The following PLCL1 variants were observed in gnomAD, a reference collection of about 807,000 sequenced individuals.
PLCL1 encodes the protein inactive phospholipase C-like protein 1.
A neutral mutation model predicts 84.4 loss-of-function variants in PLCL1; 41 were observed. That is an observed-to-expected ratio of 0.49 (90% confidence interval 0.38 to 0.63). The LOEUF (loss-of-function observed/expected upper bound fraction) is 0.63, where lower values mean the gene tolerates loss of function less well. PLCL1 is among the 30% of genes least tolerant of loss of function. The probability of loss-of-function intolerance (pLI) is 0.00; values close to 1 mark genes in which losing one functional copy is unlikely to be tolerated. For synonymous variants in PLCL1, 490 were observed against 488.3 expected (o/e 1.00, Z -0.05); for missense variants, 1,206 against 1,367.8 (o/e 0.88, Z 1.87).
intron 5 of PLCL1, among the ~76,000 whole-genome samples, chr2:198,118,122 T>A (rs1693787909): frequency 6.6e-6 from 1 of 151,956 alleles, no homozygotes. Flanking sequence ...TTTGGTTAAC[T>A]AAATGTATTC....
rs1217161518 is a variant in PLCL1, at chr2:197,824,426, T to C, written c.240+19087T>C. On this transcript the variant is annotated intron_variant, in intron 1 of 5. Transcript: ENST00000428675. The stretch of plus-strand genomic sequence containing the variant: ...ATTTGTGCTATATGCAAAACGTGAA[T>C]GAAAACTTAAGTATTTAAAAAATCA... 2.0e-5 allele frequency among the ~76,000 whole-genome samples: 3 copies of C among 151,948 alleles called. No homozygotes were observed. In the East Asian group the frequency reaches 5.8e-4, roughly 29 times the overall value.
At position 197,944,850 on chromosome 2, in the gene PLCL1, A is replaced by G. The variant is rs117240539; in HGVS notation, c.241-138908A>G. ...TTTCTTCTCTCTGCTGTTTCCTCCAACTACTTTCATCTTCAGATGTTAGAC... is the reference window on the plus strand; with the variant it reads ...TTTCTTCTCTCTGCTGTTTCCTCCAGCTACTTTCATCTTCAGATGTTAGAC... On this transcript the variant is annotated intron_variant, in intron 1 of 5. Coordinates refer to ENST00000428675, the MANE Select transcript of PLCL1 (RefSeq NM_006226.4). Among the ~76,000 whole-genome samples, 20 of 152,200 alleles carry G rather than the reference A, an allele frequency of 1.3e-4. No homozygotes were observed. In the East Asian group the frequency reaches 3.9e-3, roughly 30 times the overall value.
intron 1 of PLCL1, among the ~76,000 whole-genome samples, chr2:197,984,488 A>G (rs530085510): frequency 6.6e-6 from 1 of 152,172 alleles, no homozygotes; most frequent in East Asian, 1.9e-4. Context: ...AAAATAACCC[A>G]TTTAAATATG....
chr2:197,838,212 G>C (rs1317454021), intron 1 of PLCL1, among the ~76,000 whole-genome samples: 1 of 152,142 alleles, frequency 6.6e-6, no homozygotes, highest in Non-Finnish European at 1.5e-5. Context: ...TCATCTTTTA[G>C]AGTTTCAGTT....
At chr2:197,821,659 C>T (rs1690819086) in intron 1 of PLCL1, among the ~76,000 whole-genome samples, 1 of 152,074 alleles carries the variant, frequency 6.6e-6, no homozygotes, top group Non-Finnish European at 1.5e-5. Flanking sequence ...AGGAAGTGAC[C>T]CATAAGTTTC....
chr2:198,057,441 C>A (rs1326252335), intron 1 of PLCL1, among the ~76,000 whole-genome samples: 1 of 152,070 alleles, frequency 6.6e-6, no homozygotes, highest in Admixed American at 6.5e-5. Context: ...CTCGGTACAC[C>A]TTTAAGGCAG....
intron 1 of PLCL1, among the ~76,000 whole-genome samples, chr2:198,079,618 T>G (rs1245077514): frequency 6.6e-6 from 1 of 152,188 alleles, no homozygotes; most frequent in Admixed American, 6.5e-5. Flanking sequence ...AGACTCTTCT[T>G]GATTCTGATG....
At chr2:197,991,044 T>G (rs1361908674) in intron 1 of PLCL1, among the ~76,000 whole-genome samples, 1 of 152,182 alleles carries the variant, frequency 6.6e-6, no homozygotes, top group African/African-American at 2.4e-5. Context: ...ACATTGTTTC[T>G]GAGTGTGTCT....
At chr2:198,096,671 A>T (rs1436190123) in intron 3 of PLCL1, among the ~76,000 whole-genome samples, 4 of 152,132 alleles carry the variant, frequency 2.6e-5, no homozygotes, top group East Asian at 1.9e-4. Context: ...AATTTTTTTT[A>T]AATTTGTTGT....
At chr2:197,956,113 T>A (rs1219194094) in intron 1 of PLCL1, among the ~76,000 whole-genome samples, 1 of 152,114 alleles carries the variant, frequency 6.6e-6, no homozygotes, top group Non-Finnish European at 1.5e-5. Flanking sequence ...GAATGATAGC[T>A]TACAGCTTCA....
Position 198,149,844 on chromosome 2 carries a change from AAATGTGT to A in PLCL1, c.*2884_*2890del, listed in dbSNP as rs1218794770. ...GTTATGGATATCTTTCTGTGTCAAT[AAATGTGT>A]ATTTACATTAGAGTTCCAAGCATTT... On this transcript the variant is annotated 3_prime_UTR_variant, in exon 6 of 6. Coordinates refer to ENST00000428675, the MANE Select transcript of PLCL1 (RefSeq NM_006226.4). 2.0e-5 allele frequency: 3 copies of A among 152,328 alleles called. No homozygotes were observed. Among genetic ancestry groups the A allele is most frequent in the African/African-American group, 7.2e-5 (3 of 41,582 alleles). 9.4% of individuals were successfully genotyped at this position (152,328 alleles called of 1,614,324 possible).
chr2:198,077,327 A>C (rs1372560958), intron 1 of PLCL1, among the ~76,000 whole-genome samples: 1 of 152,150 alleles, frequency 6.6e-6, no homozygotes, highest in Non-Finnish European at 1.5e-5. Context: ...TAAAACTTAA[A>C]GTATAATAAT....
At chr2:197,910,695 C>T (rs924210566) in intron 1 of PLCL1, among the ~76,000 whole-genome samples, 1 of 152,182 alleles carries the variant, frequency 6.6e-6, no homozygotes, top group Non-Finnish European at 1.5e-5. Context: ...ATCCCCTTTC[C>T]CCTCAATTCC....
At chr2:198,094,532 AG>A (rs1266886146) in intron 3 of PLCL1, among the ~76,000 whole-genome samples, 2 of 152,204 alleles carry the variant, frequency 1.3e-5, no homozygotes, top group Admixed American at 6.5e-5. Context: ...TCTTACTTAA[AG>A]TATACGTTTT....
At chr2:197,923,216 C>CCT (rs1688751084) in intron 1 of PLCL1, among the ~76,000 whole-genome samples, 1 of 145,524 alleles carries the variant, frequency 6.9e-6, no homozygotes, top group South Asian at 2.2e-4. Context: ...GCTGACCCCC[C>CCT]ACCTCCCTCC....
chr2:198,066,309 A>G (rs1007215806), intron 1 of PLCL1, among the ~76,000 whole-genome samples: 1 of 152,108 alleles, frequency 6.6e-6, no homozygotes, highest in South Asian at 2.1e-4. Context: ...TTACAATTGT[A>G]TTCTTAATAC....
chr2:198,059,485 G>A (rs1205807762), intron 1 of PLCL1, among the ~76,000 whole-genome samples: 1 of 152,170 alleles, frequency 6.6e-6, no homozygotes, highest in Non-Finnish European at 1.5e-5. Flanking sequence ...ATGCCTGACA[G>A]ACATCATCTC....
chr2:197,927,863 C>G (rs541863324), intron 1 of PLCL1, among the ~76,000 whole-genome samples: 3 of 152,292 alleles, frequency 2.0e-5, no homozygotes, highest in East Asian at 1.9e-4. Context: ...ACACTGATGA[C>G]TAGCATTAGT....
chr2:197,867,797 A>C lies in PLCL1; in HGVS notation c.240+62458A>C, dbSNP rs984891468. Among the ~76,000 whole-genome samples, 9 of 152,216 alleles carry C rather than the reference A, an allele frequency of 5.9e-5. No individual in the cohort carries two copies. In the South Asian group the frequency reaches 1.0e-3, roughly 18 times the overall value. On this transcript the variant is annotated intron_variant, in intron 1 of 5. Coordinates refer to ENST00000428675, the MANE Select transcript of PLCL1 (RefSeq NM_006226.4). ...CTAGCGTGGCTCACTGTCCCCAACC[A>C]GACGTCCTTATCAGCAATTCCTTAG...
Sources: gnomAD v4.1 joint callset for allele counts (sites outside exome capture counted in the v4.1 genomes callset) on GRCh38, gnomAD v4.1.1 for gene constraint, MANE v1.5 for transcripts, NCBI Gene and HGNC (gene_info 2026-07-23, HGNC 2026-07-21) for gene names.